Variants in DGKB observed in about 807,000 individuals in gnomAD.
DGKB encodes the protein 90 kDa diacylglycerol kinase.
DGKB carries 67 observed loss-of-function variants against 114.3 expected under a neutral mutation model. That is an observed-to-expected ratio of 0.59 (90% confidence interval 0.48 to 0.72). The LOEUF (loss-of-function observed/expected upper bound fraction) is 0.72, where lower values mean the gene tolerates loss of function less well. DGKB is among the 30% of genes least tolerant of loss of function. The pLI is 0.00. For missense variants in DGKB, 907 were observed against 975.2 expected (o/e 0.93, Z 0.93); for synonymous variants, 398 against 323.1 (o/e 1.23, Z -2.49).
intron 23 of DGKB, among the ~76,000 whole-genome samples, chr7:14,197,597 A>G (rs932593519): frequency 2.2e-4 from 34 of 152,146 alleles, no homozygotes; most frequent in African/African-American, 8.0e-4. Context: ...TCTGCAGCAA[A>G]CACTTGTAAA....
At chr7:14,967,885 G>T (rs1212198361) in intron 1 of DGKB, among the ~76,000 whole-genome samples, 1 of 152,058 alleles carries the variant, frequency 6.6e-6, no homozygotes, top group East Asian at 1.9e-4. Flanking sequence ...GTATTAGAGA[G>T]ATTGAGAGAG....
chr7:14,849,085 C>T (rs1377994150), intron 1 of DGKB, among the ~76,000 whole-genome samples: 1 of 151,962 alleles, frequency 6.6e-6, no homozygotes, highest in Non-Finnish European at 1.5e-5. Context: ...CAGTAGGAAA[C>T]AGATGGCACA....
intron 22 of DGKB, 56 bp downstream of exon 22, chr7:14,345,244 AC>A: frequency 1.0e-6 from 1 of 998,426 alleles, no homozygotes; most frequent in Non-Finnish European, 1.5e-6. Flanking sequence ...AAATATACTA[AC>A]AACAAAGCTC....
chr7:14,236,022 GAAAT>G (rs1176773680), intron 23 of DGKB, among the ~76,000 whole-genome samples: 2 of 151,894 alleles, frequency 1.3e-5, no homozygotes, highest in Non-Finnish European at 2.9e-5. Flanking sequence ...TCAGAGTTTT[GAAAT>G]AAATAAGAAA....
intron 20 of DGKB, among the ~76,000 whole-genome samples, chr7:14,563,264 C>T (rs554368965): frequency 2.2e-4 from 34 of 152,206 alleles, no homozygotes; most frequent in African/African-American, 6.3e-4. Context: ...TCTTTATTAG[C>T]GGCATGAGAA....
At chr7:14,490,950 A>AT (rs36095823) in intron 20 of DGKB, among the ~76,000 whole-genome samples, 4,952 of 146,610 alleles carry the variant, frequency 0.034, 104 homozygotes, top group Middle Eastern at 0.06. Flanking sequence ...AATTGTGGTA[A>AT]TTTTTTTTTT....
chr7:14,768,520 G>C (rs1411495455), intron 2 of DGKB, among the ~76,000 whole-genome samples: 1 of 146,384 alleles, frequency 6.8e-6, no homozygotes, highest in African/African-American at 2.7e-5. Flanking sequence ...TCCCAATTCA[G>C]AAAGAGATAA....
intron 13 of DGKB, among the ~76,000 whole-genome samples, chr7:14,650,059 AC>A (rs1363362882): frequency 6.6e-6 from 1 of 151,892 alleles, no homozygotes; most frequent in Non-Finnish European, 1.5e-5. Flanking sequence ...AGACTTTAAC[AC>A]CCCACTGTCA....
chr7:14,589,322 G>A (rs975968947), intron 17 of DGKB, among the ~76,000 whole-genome samples: 5 of 151,746 alleles, frequency 3.3e-5, no homozygotes, highest in African/African-American at 1.2e-4. Context: ...ATGTAATTGT[G>A]GCATTTGCTA....
At chr7:14,696,412 G>A (rs1472654039) in intron 8 of DGKB, among the ~76,000 whole-genome samples, 1 of 149,108 alleles carries the variant, frequency 6.7e-6, no homozygotes, top group Non-Finnish European at 1.5e-5. Context: ...GGAGAATGGA[G>A]TGAACCCGGG....
intron 23 of DGKB, among the ~76,000 whole-genome samples, chr7:14,320,146 G>A (rs1405592223): frequency 2.0e-5 from 3 of 152,112 alleles, no homozygotes; most frequent in Non-Finnish European, 4.4e-5. Context: ...GTCATAGGTG[G>A]GAGCTGAGGG....
rs990215516 is a variant in DGKB at position 14,296,185 on chromosome 7, C to A, written c.2122+42330G>T. Reference sequence around the variant, plus strand: ...TAGCTGGGACTACAGGTGTGTGCCACCATGCCCAGCTAATTTTTGTATTTT... The same window carrying A: ...TAGCTGGGACTACAGGTGTGTGCCAACATGCCCAGCTAATTTTTGTATTTT... On this transcript the variant is annotated intron_variant, in intron 23 of 25. Transcript: ENST00000402815. Among the ~76,000 whole-genome samples the A allele has an allele frequency of 3.3e-5, 5 of 152,004 alleles. 1 individual carries two copies. In the South Asian group the frequency reaches 1.0e-3, roughly 32 times the overall value.
In DGKB at chr7:14,685,300, G is replaced by A. The variant is rs764637334; in HGVS notation, c.774C>T (p.Cys258=). The A allele has an allele frequency of 9.9e-6, 16 of 1,613,760 alleles. No homozygotes were observed. The Admixed American group carries it at 2.7e-4, about 27-fold the overall frequency. ...CAATCAGCATGTTCAGGCAAAGGTTGCAATAGGCAGGTTTGTTAAAGTGCT... is the reference window on the plus strand; with the variant it reads ...CAATCAGCATGTTCAGGCAAAGGTTACAATAGGCAGGTTTGTTAAAGTGCT... ...RLKHFNKPAY[C]NLCLNMLIGV... is the part of the protein sequence containing the mutation. Residue 258 remains cysteine (C), a synonymous_variant, in exon 10 of 26, where the codon TGC becomes TGT. Transcript: ENST00000402815.
chr7:14,811,265 T>G (rs117426375), intron 2 of DGKB, among the ~76,000 whole-genome samples: 9,443 of 152,192 alleles, frequency 0.062, 379 homozygotes, highest in South Asian at 0.091. Flanking sequence ...TGGAGTGCAG[T>G]GGTGTGATTA....
At chr7:14,666,360 A>G (rs1459427557) in intron 13 of DGKB, among the ~76,000 whole-genome samples, 2 of 152,150 alleles carry the variant, frequency 1.3e-5, no homozygotes, top group East Asian at 3.9e-4. Context: ...AACATAGACT[A>G]CATCTGTCTT....
chr7:14,265,153 T>TTC (rs879750944), intron 23 of DGKB, among the ~76,000 whole-genome samples: 3 of 150,776 alleles, frequency 2.0e-5, no homozygotes, highest in Non-Finnish European at 3.0e-5. Context: ...TTTTTTTTTT[T>TTC]CACCTAAAAA....
chr7:14,177,929 A>C, intron 24 of DGKB, 102 bp downstream of exon 24: 1 of 1,217,392 alleles, frequency 8.2e-7, no homozygotes, highest in Non-Finnish European at 1.1e-6. Context: ...GATTATTTGG[A>C]GCCCAAAGAA....
chr7:14,852,487 C>CAAAAAAAAAAA lies in DGKB; in HGVS notation c.-187-11038_-187-11037insTTTTTTTTTTT. ...GAGGAATAGCTAAAATAGTGAAAGTCAAAAAAAAAACAGAAATCAAGCATA... is the reference window on the plus strand; with the variant it reads ...GAGGAATAGCTAAAATAGTGAAAGTCAAAAAAAAAAAAAAAAAAAAACAGAAATCAAGCATA... On this transcript the variant is annotated intron_variant, in intron 1 of 25. Coordinates refer to ENST00000402815, the MANE Select transcript of DGKB (RefSeq NM_001350709.2). 4.7e-4 allele frequency among the ~76,000 whole-genome samples: 30 copies of CAAAAAAAAAAA among 63,618 alleles called. 2 individuals carry two copies. The highest frequency in any genetic ancestry group is 5.8e-4 in the South Asian group (1 of 1,712). The allele number at this position is 63,618 out of a possible 152,430, so 41.7% of individuals were successfully genotyped here.
intron 25 of DGKB, among the ~76,000 whole-genome samples, chr7:14,159,171 G>T (rs191782377): frequency 2.0e-5 from 3 of 151,896 alleles, no homozygotes; most frequent in Non-Finnish European, 4.4e-5. Context: ...GCTCCCACTG[G>T]ACCGTATGCC....
Sources: allele counts gnomAD v4.1 joint callset (sites outside exome capture counted in the v4.1 genomes callset), GRCh38; gene constraint gnomAD v4.1.1; transcripts MANE v1.5; gene names NCBI Gene and HGNC (gene_info 2026-07-23, HGNC 2026-07-21).